PLD1: variants seen among roughly 807,000 people sequenced by gnomAD.
PLD1 encodes phospholipase D1, also known as choline phosphatase 1.
In PLD1, 112 loss-of-function variants were observed where a neutral mutation model predicts 137.1. That is an observed-to-expected ratio of 0.82 (90% CI 0.70 to 0.96). PLD1 has a LOEUF of 0.96. Ranked by LOEUF, PLD1 falls within the 40% of genes least tolerant of loss-of-function variation. PLD1 has a pLI of 0.00. For synonymous variants in PLD1, 431 were observed against 454.7 expected, an observed-to-expected ratio of 0.95 and a Z score of 0.66; for missense variants, 1,321 against 1,342.0, an observed-to-expected ratio of 0.98 and a Z score of 0.24.
intron 23 of PLD1, among the ~76,000 whole-genome samples, chr3:171,629,809 T>C (rs925980852): frequency 1.6e-4 from 25 of 152,312 alleles, no homozygotes; most frequent in Admixed American, 1.0e-3. Flanking sequence ...TGGCTAGCCA[T>C]ATGGAGAAAG....
chr3:171,609,341 G>GAGC (rs1732459192), intron 25 of PLD1, among the ~76,000 whole-genome samples: 1 of 152,048 alleles, frequency 6.6e-6, no homozygotes, highest in African/African-American at 2.4e-5. Context: ...ACTTCTCAAA[G>GAGC]AGCTAAATAT....
At chr3:171,766,679 T>C (rs564551219) in intron 1 of PLD1, among the ~76,000 whole-genome samples, 1 of 152,318 alleles carries the variant, frequency 6.6e-6, no homozygotes, top group South Asian at 2.1e-4. Context: ...CAATTAACAT[T>C]TTTATACTTA....
At chr3:171,780,486 A>G (rs1396851423) in intron 1 of PLD1, among the ~76,000 whole-genome samples, 1 of 152,210 alleles carries the variant, frequency 6.6e-6, no homozygotes, top group Non-Finnish European at 1.5e-5. Context: ...ACTGACACTC[A>G]GGACTCTCCA....
At chr3:171,809,986 A>T (rs1724048218) in intron 1 of PLD1, 1 of 152,320 alleles carries the variant, frequency 6.6e-6, no homozygotes, top group Admixed American at 6.5e-5. Flanking sequence ...CATCGCCCCC[A>T]CCAGCCCAGT....
intron 23 of PLD1, among the ~76,000 whole-genome samples, chr3:171,624,377 TAGTG>T (rs1232963128): frequency 1.3e-5 from 2 of 152,146 alleles, no homozygotes; most frequent in East Asian, 1.9e-4. Context: ...CATATTCTGT[TAGTG>T]AGAATGGGTT....
At chr3:171,669,286 C>T (rs1358912077) in intron 19 of PLD1, among the ~76,000 whole-genome samples, 1 of 152,190 alleles carries the variant, frequency 6.6e-6, no homozygotes, top group Non-Finnish European at 1.5e-5. Context: ...CTATTATTTA[C>T]TTTATTATGT....
At chr3:171,621,796 A>G (rs1435077038) in intron 23 of PLD1, among the ~76,000 whole-genome samples, 4 of 152,198 alleles carry the variant, frequency 2.6e-5, no homozygotes, top group Non-Finnish European at 5.9e-5. Context: ...ACTTCATCTG[A>G]AGAATCACCT....
chr3:171,750,473 A>T (rs1031860899), intron 1 of PLD1, among the ~76,000 whole-genome samples: 1 of 152,172 alleles, frequency 6.6e-6, no homozygotes, highest in African/African-American at 2.4e-5. Context: ...GGCAGAAAAA[A>T]AAATGTGTAA....
intron 23 of PLD1, among the ~76,000 whole-genome samples, chr3:171,639,850 A>ATATG (rs1735588698): frequency 1.0e-5 from 1 of 99,708 alleles, no homozygotes; most frequent in African/African-American, 3.9e-5. Flanking sequence ...CTCTCTCTCT[A>ATATG]TATATATATA....
intron 1 of PLD1, among the ~76,000 whole-genome samples, chr3:171,774,286 G>A (rs1722515691): frequency 6.6e-6 from 1 of 152,306 alleles, no homozygotes; most frequent in Admixed American, 6.5e-5. Flanking sequence ...CCTCATAAAG[G>A]CTTTCCAGAG....
Position 171,623,312 on chromosome 3 carries a change from A to ATTTTTTTTTTTTTTTTT in PLD1, c.2594-2793_2594-2792insAAAAAAAAAAAAAAAAA, listed in dbSNP as rs760981558. On this transcript the variant is annotated intron_variant, in intron 23 of 26. Transcript: ENST00000351298. ...AGCTATGAGTCATTAGCCCTATCAGACTTTTTTTTTTTTTTTTTTTGAGAT... is the reference window on the plus strand; with the variant it reads ...AGCTATGAGTCATTAGCCCTATCAGATTTTTTTTTTTTTTTTTCTTTTTTTTTTTTTTTTTTTGAGAT... Among the ~76,000 whole-genome samples, 2 of 138,964 alleles carry ATTTTTTTTTTTTTTTTT rather than the reference A, an allele frequency of 1.4e-5. 1 individual carries two copies. 91.2% of individuals were successfully genotyped at this position (138,964 alleles called of 152,430 possible). A position where few individuals can be genotyped will look rare whatever the true frequency, so the allele number is the denominator to read the frequency against.
intron 23 of PLD1, among the ~76,000 whole-genome samples, chr3:171,623,346 G>A (rs1477463921): frequency 2.9e-5 from 4 of 136,428 alleles, no homozygotes; most frequent in East Asian, 4.2e-4. Context: ...ATGGAGTCTC[G>A]CTCTGTCACC....
In PLD1 at chr3:171,734,879, A is replaced by G. The variant is rs1181266138; in HGVS notation, c.526T>C (p.Phe176Leu). The change falls in exon 5 of 27, where the codon TTC (phenylalanine) becomes CTC (leucine). Residue 176 changes from phenylalanine to leucine, a missense_variant. Transcript: ENST00000351298. ...AAGAAACTTACTCTTCTACCAAGGA[A>G]TTGTTCTTCTCTTATCATGTTTTCA... Reference protein sequence around the residue: ...SSENMIREEQFLGRRKQLEDY... With the variant: ...SSENMIREEQLLGRRKQLEDY... The G allele has an allele frequency of 2.5e-6, 4 of 1,602,812 alleles. No individual in the cohort carries two copies. Among genetic ancestry groups the G allele is most frequent in the Middle Eastern group, 1.7e-4 (1 of 6,018 alleles).
intron 8 of PLD1, among the ~76,000 whole-genome samples, chr3:171,716,996 G>C: frequency 6.6e-6 from 1 of 152,160 alleles, no homozygotes; most frequent in South Asian, 2.1e-4. Flanking sequence ...TGTCAGCTTT[G>C]TTGAAGATCA....
chr3:171,632,057 T>C (rs1327637409), intron 23 of PLD1, among the ~76,000 whole-genome samples: 1 of 152,196 alleles, frequency 6.6e-6, no homozygotes, highest in Non-Finnish European at 1.5e-5. Flanking sequence ...AGACACCACC[T>C]TCACTAAGTG....
At chr3:171,632,884 A>G (rs1020871970) in intron 23 of PLD1, among the ~76,000 whole-genome samples, 2 of 152,194 alleles carry the variant, frequency 1.3e-5, no homozygotes, top group African/African-American at 4.8e-5. Context: ...CAAAACATCA[A>G]TTAGTAAGAC....
chr3:171,695,941 G>A (rs1715654750), intron 12 of PLD1, among the ~76,000 whole-genome samples: 1 of 152,190 alleles, frequency 6.6e-6, no homozygotes, highest in Non-Finnish European at 1.5e-5. Flanking sequence ...TTTGTTTGAA[G>A]CACATTTTTG....
chr3:171,747,278 A>G (rs889288812), intron 1 of PLD1, among the ~76,000 whole-genome samples: 6 of 152,200 alleles, frequency 3.9e-5, no homozygotes, highest in Non-Finnish European at 7.4e-5. Flanking sequence ...ATACTAGGGC[A>G]GGTTAAGTTG....
chr3:171,805,210 C>T (rs1723798324), intron 1 of PLD1, among the ~76,000 whole-genome samples: 3 of 152,022 alleles, frequency 2.0e-5, no homozygotes, highest in Admixed American at 2.0e-4. Flanking sequence ...CCAAAAGGTT[C>T]CCAACTCTAG....
Sources: gnomAD v4.1 joint callset for allele counts (sites outside exome capture counted in the v4.1 genomes callset) on GRCh38, gnomAD v4.1.1 for gene constraint, MANE v1.5 for transcripts, NCBI Gene and HGNC (gene_info 2026-07-23, HGNC 2026-07-21) for gene names.